The following CWF19L2 variants were observed in gnomAD, a reference collection of about 807,000 sequenced individuals.
CWF19L2 encodes the protein CWF19 like cell cycle control factor 2, also known as CWF19-like protein 2.
CWF19L2 carries 98 observed loss-of-function variants against 111.7 expected under a neutral mutation model. The ratio of observed to expected loss-of-function variants is 0.88; its 90% CI spans 0.75 to 1.04. The LOEUF (loss-of-function observed/expected upper bound fraction) is 1.04, where lower values mean the gene tolerates loss of function less well. Among genes scored for constraint, CWF19L2 ranks in the 50% least tolerant of loss-of-function variants. The probability of loss-of-function intolerance (pLI) is 0.00; values close to 1 mark genes in which losing one functional copy is unlikely to be tolerated. For synonymous variants in CWF19L2, 351 were observed against 342.9 expected, an observed-to-expected ratio of 1.02 and a Z score of -0.26; for missense variants, 1,101 against 1,051.4, an observed-to-expected ratio of 1.05 and a Z score of -0.65.
intron 10 of CWF19L2, chr11:107,404,527 G>A: frequency 1.4e-6 from 1 of 697,534 alleles, no homozygotes; most frequent in Admixed American, 1.9e-5. Context: ...ACCTTGGAGT[G>A]CTGGGCATTT....
At position 107,371,294 on chromosome 11, in the gene CWF19L2, C is replaced by T. The variant is rs765609332; in HGVS notation, c.1873-17558G>A. Among the ~76,000 whole-genome samples, 10 of 137,592 alleles carry T rather than the reference C, an allele frequency of 7.3e-5. 1 individual carries two copies. Among genetic ancestry groups the T allele is most frequent in the Admixed American group, 2.1e-4 (3 of 14,112 alleles). The allele number at this position is 137,592 out of a possible 152,430, so 90.3% of individuals were successfully genotyped here. On this transcript the variant is annotated intron_variant, in intron 12 of 17. Coordinates refer to ENST00000282251, the MANE Select transcript of CWF19L2 (RefSeq NM_152434.3). ...CTGGGATTACAGGCGTGAGCCACCA[C>T]GCCCGGCCTCTAGTTTCTATCTTTA...
Position 107,453,895 on chromosome 11 carries a change from T to G in CWF19L2, c.339+555A>C, listed in dbSNP as rs73549883. Among the ~76,000 whole-genome samples the G allele has an allele frequency of 5.4e-3, 824 of 151,940 alleles. 8 individuals carry two copies. Among genetic ancestry groups the G allele is most frequent in the African/African-American group, 0.019 (785 of 41,428 alleles). Reference sequence around the variant, plus strand: ...CCTGCCAGTACTACCTGTGGGTCTATGGTGGTGGCTACAGGGTGAGGCCCC... The same window carrying G: ...CCTGCCAGTACTACCTGTGGGTCTAGGGTGGTGGCTACAGGGTGAGGCCCC... On this transcript the variant is annotated intron_variant, in intron 3 of 17. Coordinates refer to ENST00000282251, the MANE Select transcript of CWF19L2 (RefSeq NM_152434.3).
chr11:107,327,850 G>A (rs773650699), intron 17 of CWF19L2, among the ~76,000 whole-genome samples: 20 of 152,130 alleles, frequency 1.3e-4, no homozygotes, highest in Non-Finnish European at 2.4e-4. Flanking sequence ...AACAGACTAA[G>A]GATCAAATTC....
At chr11:107,375,573 C>A (rs1860586139) in intron 12 of CWF19L2, among the ~76,000 whole-genome samples, 1 of 136,158 alleles carries the variant, frequency 7.3e-6, no homozygotes, top group Admixed American at 7.3e-5. Context: ...TCGAAACCAA[C>A]AAGAACAAAG....
In CWF19L2 at chr11:107,371,237, T is replaced by C. The variant is rs538384423; in HGVS notation, c.1873-17501A>G. Among the ~76,000 whole-genome samples, 13 of 137,042 alleles carry C rather than the reference T, an allele frequency of 9.5e-5. 2 individuals are homozygous for C. The highest frequency in any genetic ancestry group is 3.2e-4 in the African/African-American group (11 of 34,274). The allele number at this position is 137,042 out of a possible 152,430, so 89.9% of individuals were successfully genotyped here. ...CCAGGATGGTATCGACCTCCTGACC[T>C]CGTGATCTGCCCGCCTCGGCCTCCC... is the stretch of plus-strand genomic sequence containing the variant. On this transcript the variant is annotated intron_variant, in intron 12 of 17. Transcript: ENST00000282251.
chr11:107,345,014 A>G (rs1860058315), intron 14 of CWF19L2, among the ~76,000 whole-genome samples: 1 of 152,114 alleles, frequency 6.6e-6, no homozygotes, highest in Non-Finnish European at 1.5e-5. Context: ...CACTGATACT[A>G]TCCTGACTGG....
In CWF19L2 at chr11:107,433,703, A is replaced by G. The variant is rs1384281996; in HGVS notation, c.711T>C (p.Tyr237=). 3.1e-6 allele frequency: 5 copies of G among 1,593,762 alleles called. No individual in the cohort carries two copies. The highest frequency in any genetic ancestry group is 1.4e-5 in the African/African-American group (1 of 74,048). ...TCTCAGCTTGTTCCTTCATTCTTAG[A>G]TAAGATTTCCTTAGCCAGCTTAATC... ...DGGLSWLRKS[Y]LRMKEQAEKQ... The change falls in exon 7 of 18, where the codon TAT becomes TAC. Residue 237 remains tyrosine (Y), a synonymous_variant. Coordinates refer to ENST00000282251, the MANE Select transcript of CWF19L2 (RefSeq NM_152434.3).
At chr11:107,341,287 G>A (rs1303814698) in intron 14 of CWF19L2, among the ~76,000 whole-genome samples, 4 of 152,212 alleles carry the variant, frequency 2.6e-5, no homozygotes, top group East Asian at 1.9e-4. Flanking sequence ...GCTTCCTTCC[G>A]GCAGTCTTTA....
At chr11:107,395,212 A>T (rs948356042) in intron 10 of CWF19L2, among the ~76,000 whole-genome samples, 3 of 152,136 alleles carry the variant, frequency 2.0e-5, no homozygotes, top group Non-Finnish European at 4.4e-5. Context: ...GACAGTTTTA[A>T]AAACGGGAAT....
At chr11:107,330,755 T>C (rs924257214) in intron 16 of CWF19L2, among the ~76,000 whole-genome samples, 2 of 151,968 alleles carry the variant, frequency 1.3e-5, no homozygotes, top group African/African-American at 4.8e-5. Context: ...AAGTAGATTT[T>C]GTGTCCTTGC....
At chr11:107,410,266 A>G (rs1030561648) in intron 10 of CWF19L2, among the ~76,000 whole-genome samples, 3 of 151,880 alleles carry the variant, frequency 2.0e-5, no homozygotes, top group Admixed American at 2.0e-4. Context: ...ACAACTTTGT[A>G]TTCCACTCTG....
At chr11:107,347,081 T>C (rs1032602631) in intron 14 of CWF19L2, among the ~76,000 whole-genome samples, 1 of 152,186 alleles carries the variant, frequency 6.6e-6, no homozygotes, top group African/African-American at 2.4e-5. Context: ...TCAAGAAAAT[T>C]TGTAAAAATG....
Position 107,368,456 on chromosome 11 carries a change from C to T in CWF19L2, c.1873-14720G>A, listed in dbSNP as rs557162018. 2.2e-5 allele frequency among the ~76,000 whole-genome samples: 3 copies of T among 138,248 alleles called. No individual in the cohort carries two copies. The South Asian group carries it at 7.3e-4, about 34-fold the overall frequency. The allele number at this position is 138,248 out of a possible 152,430, so 90.7% of individuals were successfully genotyped here. Reference sequence around the variant, plus strand: ...TAAGTATTTAAGCATGCTAAAGATTCTTCTATTTTGAAAATTTGTCTGGCA... The same window carrying T: ...TAAGTATTTAAGCATGCTAAAGATTTTTCTATTTTGAAAATTTGTCTGGCA... On this transcript the variant is annotated intron_variant, in intron 12 of 17. Coordinates refer to ENST00000282251, the MANE Select transcript of CWF19L2 (RefSeq NM_152434.3).
In CWF19L2 at chr11:107,333,059, G is replaced by A. The variant is rs192833149; in HGVS notation, c.2439+1822C>T. On this transcript the variant is annotated intron_variant, in intron 16 of 17. Coordinates refer to ENST00000282251, the MANE Select transcript of CWF19L2 (RefSeq NM_152434.3). ...CTTGAACCTGGGAGGTGGAGTGATC[G>A]TCACTGGGCGACAGAGCTAGACTCT... 1.5e-4 allele frequency among the ~76,000 whole-genome samples: 23 copies of A among 149,700 alleles called. No individual in the cohort carries two copies. The East Asian group carries it at 1.8e-3, about 12-fold the overall frequency.
At chr11:107,447,147 T>C (rs917794555) in intron 3 of CWF19L2, among the ~76,000 whole-genome samples, 5 of 152,144 alleles carry the variant, frequency 3.3e-5, no homozygotes, top group African/African-American at 4.8e-5. Context: ...GGAATAAAAA[T>C]GAAACTACAA....
intron 12 of CWF19L2, among the ~76,000 whole-genome samples, chr11:107,370,388 A>T (rs1347131251): frequency 7.3e-6 from 1 of 137,308 alleles, no homozygotes; most frequent in Admixed American, 7.2e-5. Context: ...ATGACAACAG[A>T]ACCAAATTCT....
intron 3 of CWF19L2, among the ~76,000 whole-genome samples, chr11:107,445,331 CG>C (rs1366949214): frequency 2.0e-5 from 3 of 152,180 alleles, no homozygotes; most frequent in African/African-American, 7.2e-5. Context: ...CCAGGCTGGG[CG>C]CGGTGGCTCA....
intron 12 of CWF19L2, among the ~76,000 whole-genome samples, chr11:107,387,926 C>CTATCTCA (rs1860794329): frequency 6.6e-6 from 1 of 152,116 alleles, no homozygotes; most frequent in Non-Finnish European, 1.5e-5. Flanking sequence ...CTTATGTCTC[C>CTATCTCA]TATCTCATCT....
chr11:107,360,827 G>T (rs902601520), intron 12 of CWF19L2, among the ~76,000 whole-genome samples: 1 of 152,076 alleles, frequency 6.6e-6, no homozygotes, highest in South Asian at 2.1e-4. Context: ...ACTTTTTAGT[G>T]GGACTATTTG....
Sources: allele counts gnomAD v4.1 joint callset (sites outside exome capture counted in the v4.1 genomes callset), GRCh38; gene constraint gnomAD v4.1.1; transcripts MANE v1.5; gene names NCBI Gene and HGNC (gene_info 2026-07-23, HGNC 2026-07-21).